Variants in SPECC1L observed in about 807,000 individuals in gnomAD.
SPECC1L encodes the protein cytospin-A.
In SPECC1L, 40 loss-of-function variants were observed where a neutral mutation model predicts 116.8. The ratio of observed to expected loss-of-function variants is 0.34; its 90% CI spans 0.27 to 0.45. The LOEUF (loss-of-function observed/expected upper bound fraction) is 0.45, where lower values mean the gene tolerates loss of function less well. SPECC1L is among the 20% of genes least tolerant of loss of function. The pLI is 1.00. For synonymous variants in SPECC1L, 504 were observed against 500.6 expected, an observed-to-expected ratio of 1.01 and a Z score of -0.09; for missense variants, 1,110 against 1,373.6, an observed-to-expected ratio of 0.81 and a Z score of 3.03.
intron 11 of SPECC1L, among the ~76,000 whole-genome samples, chr22:24,348,795 A>T (rs1217609942): frequency 6.6e-6 from 1 of 152,186 alleles, no homozygotes; most frequent in East Asian, 1.9e-4. Flanking sequence ...GTAAATTGAT[A>T]GTGAACACCT....
chr22:24,357,274 AAGGCTG>A (rs1442943254), intron 11 of SPECC1L, among the ~76,000 whole-genome samples: 1 of 152,064 alleles, frequency 6.6e-6, no homozygotes, highest in Admixed American at 6.5e-5. Context: ...ATTTCTTTTT[AAGGCTG>A]AGGCTGGAAA....
chr22:24,309,827 C>T (rs1158362655), intron 3 of SPECC1L, among the ~76,000 whole-genome samples: 1 of 152,146 alleles, frequency 6.6e-6, no homozygotes, highest in African/African-American at 2.4e-5. Flanking sequence ...CTGTTTGTTC[C>T]TATCCTATTC....
chr22:24,320,933 A>G (rs2040709144), intron 4 of SPECC1L, among the ~76,000 whole-genome samples: 2 of 152,188 alleles, frequency 1.3e-5, no homozygotes, highest in African/African-American at 2.4e-5. Context: ...GTCTTGCCCT[A>G]GAATATTATG....
intron 11 of SPECC1L, among the ~76,000 whole-genome samples, chr22:24,347,842 A>G (rs2041333401): frequency 6.6e-6 from 1 of 151,946 alleles, no homozygotes; most frequent in Admixed American, 6.6e-5. Context: ...CGCTCAGATA[A>G]TTTTTGTATT....
intron 11 of SPECC1L, among the ~76,000 whole-genome samples, chr22:24,353,581 A>G (rs144015874): frequency 0.025 from 3,730 of 151,638 alleles, 178 homozygotes; most frequent in African/African-American, 0.086. Flanking sequence ...ATTTTTTTGT[A>G]TTTTTTGGTA....
At position 24,369,101 on chromosome 22, in the gene SPECC1L, C is replaced by G. The variant is rs370034609; in HGVS notation, c.2985-117C>G. On this transcript the variant is annotated intron_variant, in intron 13 of 16. Coordinates refer to ENST00000314328, the MANE Select transcript of SPECC1L (RefSeq NM_015330.6). ...CAAATGTATGAAAAACTATGTCTTG[C>G]CTTTGTATTGCCTTACCATGTATAT... 1.4e-3 allele frequency: 1,025 copies of G among 743,912 alleles called. 18 individuals are homozygous for G. The South Asian group carries it at 0.014, about 10-fold the overall frequency. 46.1% of individuals were successfully genotyped at this position (743,912 alleles called of 1,614,324 possible).
intron 14 of SPECC1L, among the ~76,000 whole-genome samples, chr22:24,392,854 A>G (rs1291396476): frequency 6.6e-6 from 1 of 152,226 alleles, no homozygotes; most frequent in Non-Finnish European, 1.5e-5. Flanking sequence ...AGGTGGAACT[A>G]GCTGATGGCT....
At chr22:24,322,997 A>G (rs532080818) in intron 5 of SPECC1L, 79 bp downstream of exon 5, 1 of 1,573,690 alleles carries the variant, frequency 6.4e-7, no homozygotes, top group Non-Finnish European at 8.6e-7. Context: ...AACCTGGGTT[A>G]CTGGTTTGGT....
rs201824902 is a variant in SPECC1L, at chr22:24,322,663, G to A, written c.1683G>A (p.Thr561=). The change falls in exon 5 of 17, where the codon ACG becomes ACA. Residue 561 remains threonine, a synonymous_variant. Coordinates refer to ENST00000314328, the MANE Select transcript of SPECC1L (RefSeq NM_015330.6). ...EQKGKAALAA[T]LEEYKATVAS... The stretch of plus-strand genomic sequence containing the variant: ...AAGGAAAAGCAGCCTTGGCAGCCAC[G>A]TTAGAGGAATACAAAGCCACAGTGG... The A allele has an allele frequency of 1.1e-5, 17 of 1,612,678 alleles. No individual in the cohort carries two copies. The highest frequency in any genetic ancestry group is 5.4e-5 in the African/African-American group (4 of 74,728).
chr22:24,367,206 T>G (rs2041787136), intron 13 of SPECC1L, among the ~76,000 whole-genome samples: 1 of 152,054 alleles, frequency 6.6e-6, no homozygotes, highest in African/African-American at 2.4e-5. Flanking sequence ...AAAAGTGACT[T>G]TTATGTTGAG....
rs1601309557 is a variant in SPECC1L, at chr22:24,376,392, A to G, written c.3087+7072A>G. Among the ~76,000 whole-genome samples, 3 of 152,344 alleles carry G rather than the reference A, an allele frequency of 2.0e-5. No individual in the cohort carries two copies. The East Asian group carries it at 5.8e-4, about 29-fold the overall frequency. On this transcript the variant is annotated intron_variant, in intron 14 of 16. Transcript: ENST00000314328. ...GAACTAGTAAATCCAGAAAAGTTGA[A>G]GATGCAAGATCAGTATACAAAACTC... is the stretch of plus-strand genomic sequence containing the variant.
At chr22:24,290,226 A>G (rs573101601) in intron 2 of SPECC1L, among the ~76,000 whole-genome samples, 1 of 152,350 alleles carries the variant, frequency 6.6e-6, no homozygotes, top group Non-Finnish European at 1.5e-5. Flanking sequence ...TAAAGCAGAA[A>G]GGAGCTGCAT....
intron 11 of SPECC1L, among the ~76,000 whole-genome samples, chr22:24,357,879 T>C (rs2041562962): frequency 6.6e-6 from 1 of 152,228 alleles, no homozygotes; most frequent in African/African-American, 2.4e-5. Flanking sequence ...TGCTTTCAGC[T>C]GAGCTTTCCT....
At chr22:24,356,068 T>C (rs1175304562) in intron 11 of SPECC1L, among the ~76,000 whole-genome samples, 2 of 152,222 alleles carry the variant, frequency 1.3e-5, no homozygotes, top group Admixed American at 1.3e-4. Context: ...TAGACTGTCA[T>C]ATAAATCAAA....
chr22:24,391,252 C>T (rs954514218), intron 14 of SPECC1L, among the ~76,000 whole-genome samples: 9 of 152,130 alleles, frequency 5.9e-5, no homozygotes, highest in African/African-American at 7.2e-5. Context: ...GAACTCTTTC[C>T]TGTTTTCAGG....
At chr22:24,310,957 G>A (rs893828168) in intron 3 of SPECC1L, among the ~76,000 whole-genome samples, 13 of 152,088 alleles carry the variant, frequency 8.5e-5, no homozygotes, top group African/African-American at 2.9e-4. Context: ...TGTGAAATAG[G>A]TCTCAGCATT....
chr22:24,399,132 AC>A lies in SPECC1L; in HGVS notation c.3088-12455del, dbSNP rs199728918. Among the ~76,000 whole-genome samples the A allele has an allele frequency of 5.9e-5, 9 of 152,326 alleles. No homozygotes were observed. The East Asian group carries it at 1.7e-3, about 29-fold the overall frequency. Reference sequence around the variant, plus strand: ...AGTTTCCTGAGTTATCAGAAAGCAGACATCATGATTCCTGTGTGCTTCTCCA... The same window carrying A: ...AGTTTCCTGAGTTATCAGAAAGCAGAATCATGATTCCTGTGTGCTTCTCCA... On this transcript the variant is annotated intron_variant, in intron 14 of 16. Transcript: ENST00000314328.
Position 24,305,525 on chromosome 22 carries a change from A to C in SPECC1L, c.153+3141A>C, listed in dbSNP as rs2049475762. On this transcript the variant is annotated intron_variant, in intron 3 of 16. Transcript: ENST00000314328. ...TCATTGTTGGTTAGTAATCCATGGG[A>C]TGAATATACCACAGTTTGTTCATCT... Among the ~76,000 whole-genome samples the C allele has an allele frequency of 2.0e-5, 3 of 152,188 alleles. No homozygotes were observed. In the South Asian group the frequency reaches 6.2e-4, roughly 32 times the overall value.
chr22:24,331,188 T>C (rs2040930941), intron 8 of SPECC1L, among the ~76,000 whole-genome samples: 1 of 152,206 alleles, frequency 6.6e-6, no homozygotes, highest in Non-Finnish European at 1.5e-5. Flanking sequence ...GGATAGTATT[T>C]TTGTGTTTGA....
Sources: allele counts gnomAD v4.1 joint callset (sites outside exome capture counted in the v4.1 genomes callset), GRCh38; gene constraint gnomAD v4.1.1; transcripts MANE v1.5; gene names NCBI Gene and HGNC (gene_info 2026-07-23, HGNC 2026-07-21).